CSMD1: variants seen among roughly 807,000 people sequenced by gnomAD.
CSMD1 encodes CUB and sushi domain-containing protein 1.
CSMD1 carries 213 observed loss-of-function variants against 417.5 expected under a neutral mutation model. The ratio of observed to expected loss-of-function variants is 0.51; its 90% CI spans 0.46 to 0.57. The LOEUF is 0.57. CSMD1 is among the 20% of genes least tolerant of loss of function. The pLI is 0.00. For missense variants in CSMD1, 6,923 were observed against 4,529.7 expected, an observed-to-expected ratio of 1.53 and a Z score of -15.17; for synonymous variants, 2,862 against 1,736.8, an observed-to-expected ratio of 1.65 and a Z score of -16.11.
At chr8:4,793,475 C>A (rs999444250) in intron 1 of CSMD1, among the ~76,000 whole-genome samples, 1 of 152,090 alleles carries the variant, frequency 6.6e-6, no homozygotes, top group Non-Finnish European at 1.5e-5. Context: ...CTCTCCTCCC[C>A]ACCATCTCCC....
At chr8:3,706,472 T>C (rs186668965) in intron 7 of CSMD1, among the ~76,000 whole-genome samples, 2 of 152,328 alleles carry the variant, frequency 1.3e-5, no homozygotes, top group Non-Finnish European at 2.9e-5. Context: ...TTTTCCCTAA[T>C]GATTAATTCC....
chr8:4,099,017 G>C (rs1801166383), intron 3 of CSMD1, among the ~76,000 whole-genome samples: 1 of 152,106 alleles, frequency 6.6e-6, no homozygotes, highest in South Asian at 2.1e-4. Flanking sequence ...CAACTCTTCA[G>C]CTGAATTAAT....
chr8:3,249,569 C>T (rs1800121321), intron 26 of CSMD1, among the ~76,000 whole-genome samples: 1 of 151,914 alleles, frequency 6.6e-6, no homozygotes, highest in African/African-American at 2.4e-5. Context: ...ATGATCAAGT[C>T]TCAAAAAAAT....
At chr8:3,958,961 G>T (rs148592028) in intron 5 of CSMD1, among the ~76,000 whole-genome samples, 11 of 152,258 alleles carry the variant, frequency 7.2e-5, no homozygotes, top group Non-Finnish European at 1.3e-4. Context: ...CTTGGCTTAG[G>T]ATCTGTGAGC....
At chr8:4,390,443 A>G (rs1470104975) in intron 3 of CSMD1, among the ~76,000 whole-genome samples, 1 of 151,960 alleles carries the variant, frequency 6.6e-6, no homozygotes, top group Non-Finnish European at 1.5e-5. Context: ...GACATATTGG[A>G]TGTGTTTTAT....
chr8:4,642,719 G>A (rs746319652), intron 1 of CSMD1, among the ~76,000 whole-genome samples: 35 of 152,198 alleles, frequency 2.3e-4, no homozygotes, highest in Non-Finnish European at 7.3e-5. Context: ...AGTGGGGTGT[G>A]TAGCTTAGCC....
At chr8:4,258,982 C>G (rs569926846) in intron 3 of CSMD1, among the ~76,000 whole-genome samples, 3 of 152,264 alleles carry the variant, frequency 2.0e-5, no homozygotes, top group Admixed American at 6.5e-5. Context: ...CTAACTAAGA[C>G]TTTAAAAGAT....
At chr8:3,838,842 T>C (rs1443088529) in intron 5 of CSMD1, among the ~76,000 whole-genome samples, 1 of 121,216 alleles carries the variant, frequency 8.2e-6, no homozygotes, top group Non-Finnish European at 1.6e-5. Context: ...ATATTAATTA[T>C]ATATACTATT....
At chr8:4,261,370 T>G (rs187093357) in intron 3 of CSMD1, among the ~76,000 whole-genome samples, 1 of 152,000 alleles carries the variant, frequency 6.6e-6, no homozygotes, top group Admixed American at 6.6e-5. Context: ...TTCTCAGAAA[T>G]AGAGATTAGA....
chr8:4,851,977 T>C (rs190577280), intron 1 of CSMD1, among the ~76,000 whole-genome samples: 1 of 152,320 alleles, frequency 6.6e-6, no homozygotes, highest in Non-Finnish European at 1.5e-5. Flanking sequence ...GTTTTTTCCC[T>C]ATAGATTTAA....
Position 4,388,303 on chromosome 8 carries a change from T to TACACACACAC in CSMD1, c.415+31640_415+31649dup, listed in dbSNP as rs748455037. On this transcript the variant is annotated intron_variant, in intron 3 of 69. Coordinates refer to ENST00000635120, the MANE Select transcript of CSMD1 (RefSeq NM_033225.6). ...AAACAAGTGGATAAAGAAACTGTGA[T>TACACACACAC]ACACACACACACACACAGACACACA... Among the ~76,000 whole-genome samples, 343 of 117,200 alleles carry TACACACACAC rather than the reference T, an allele frequency of 2.9e-3. 3 individuals carry two copies. Among genetic ancestry groups the TACACACACAC allele is most frequent in the Middle Eastern group, 8.3e-3 (2 of 240 alleles). 76.9% of individuals were successfully genotyped at this position (117,200 alleles called of 152,430 possible).
In CSMD1 at chr8:4,199,169, G is replaced by A. The variant is rs188738734; in HGVS notation, c.416-167070C>T. ...TGCAGAACGTATCCAGCACAGCACT[G>A]GGGATGATCCTACTTTCAGAAACAT... On this transcript the variant is annotated intron_variant, in intron 3 of 69. Transcript: ENST00000635120. 1.9e-3 allele frequency among the ~76,000 whole-genome samples: 283 copies of A among 152,166 alleles called. 4 individuals are homozygous for A. The highest frequency in any genetic ancestry group is 3.1e-4 in the Non-Finnish European group (21 of 68,024).
intron 5 of CSMD1, among the ~76,000 whole-genome samples, chr8:3,826,520 C>G (rs772414002): frequency 2.0e-5 from 3 of 152,124 alleles, no homozygotes; most frequent in Non-Finnish European, 4.4e-5. Flanking sequence ...ACCACATTTT[C>G]AGATGTTCTG....
chr8:4,858,909 A>T (rs1227759424), intron 1 of CSMD1, among the ~76,000 whole-genome samples: 2 of 151,020 alleles, frequency 1.3e-5, no homozygotes, highest in Non-Finnish European at 2.9e-5. Context: ...GAATTGGAAA[A>T]AACTACTTTA....
At chr8:4,434,220 C>A (rs1037100902) in intron 2 of CSMD1, among the ~76,000 whole-genome samples, 5 of 152,076 alleles carry the variant, frequency 3.3e-5, no homozygotes, top group Non-Finnish European at 7.4e-5. Flanking sequence ...CACCTGTAAT[C>A]CCAGCTAATT....
chr8:4,293,954 A>T lies in CSMD1; in HGVS notation c.415+125999T>A, dbSNP rs58847391. ...TTCCACACTTTTAAACACTTTCTAC[A>T]AGTTCTAAAGCTGGTGCTTTTTGAA... is the stretch of plus-strand genomic sequence containing the variant. On this transcript the variant is annotated intron_variant, in intron 3 of 69. Transcript: ENST00000635120. Among the ~76,000 whole-genome samples the T allele has an allele frequency of 1.3e-3, 192 of 151,982 alleles. 1 individual carries two copies. The highest frequency in any genetic ancestry group is 4.4e-3 in the African/African-American group (183 of 41,526).
intron 1 of CSMD1, among the ~76,000 whole-genome samples, chr8:4,941,075 T>C (rs529653963): frequency 6.6e-6 from 1 of 152,226 alleles, no homozygotes; most frequent in Non-Finnish European, 1.5e-5. Context: ...AGATAAACCA[T>C]CTCAAACATA....
chr8:3,193,939 C>A (rs1020202217), intron 33 of CSMD1, among the ~76,000 whole-genome samples: 1 of 152,160 alleles, frequency 6.6e-6, no homozygotes, highest in Non-Finnish European at 1.5e-5. Context: ...AAAACCACAA[C>A]AACAATCATA....
chr8:3,220,769 T>C (rs1676738698), intron 28 of CSMD1, among the ~76,000 whole-genome samples: 1 of 152,124 alleles, frequency 6.6e-6, no homozygotes, highest in Non-Finnish European at 1.5e-5. Context: ...AAGCGGAGGT[T>C]GCAGTGAGTC....
Sources: gnomAD v4.1 joint callset for allele counts (sites outside exome capture counted in the v4.1 genomes callset) on GRCh38, gnomAD v4.1.1 for gene constraint, MANE v1.5 for transcripts, NCBI Gene and HGNC (gene_info 2026-07-23, HGNC 2026-07-21) for gene names.